DCAF6: variants seen among roughly 807,000 people sequenced by gnomAD.
DCAF6 encodes DDB1 and CUL4 associated factor 6.
Under a neutral mutation model 125.1 loss-of-function variants are expected in DCAF6, and 54 were observed. The ratio of observed to expected loss-of-function variants is 0.43; its 90% confidence interval spans 0.35 to 0.54. The LOEUF (loss-of-function observed/expected upper bound fraction) is 0.54, where lower values mean the gene tolerates loss of function less well. Ranked by LOEUF, DCAF6 falls within the 20% of genes least tolerant of loss-of-function variation. The pLI, the probability that DCAF6 is intolerant of heterozygous loss-of-function variation, is 0.01. For synonymous variants in DCAF6, 371 were observed against 390.4 expected (o/e 0.95, Z 0.58); for missense variants, 934 against 1,161.7 (o/e 0.80, Z 2.85).
upstream of DCAF6, among the ~76,000 whole-genome samples, chr1:167,935,398 G>A (rs145913651): frequency 6.6e-6 from 1 of 152,322 alleles, no homozygotes; most frequent in African/African-American, 2.4e-5. Context: ...AAGAGAAAGA[G>A]AATGAGTGTT....
chr1:167,967,833 C>T (rs758357751), intron 3 of DCAF6, among the ~76,000 whole-genome samples: 20 of 149,294 alleles, frequency 1.3e-4, no homozygotes, highest in African/African-American at 2.2e-4. Context: ...TGCGTTCAAG[C>T]GATTCTCCTG....
At chr1:167,943,388 G>C (rs1340150442) in intron 1 of DCAF6, among the ~76,000 whole-genome samples, 1 of 152,106 alleles carries the variant, frequency 6.6e-6, no homozygotes, top group African/African-American at 2.4e-5. Flanking sequence ...CTTCTCATCT[G>C]TGGTTCTGGT....
intron 1 of DCAF6, among the ~76,000 whole-genome samples, chr1:167,945,495 CT>C (rs956283762): frequency 2.0e-5 from 3 of 151,654 alleles, no homozygotes; most frequent in African/African-American, 7.3e-5. Context: ...TTTCTTTTTT[CT>C]TTTTTTCTTT....
Position 167,966,640 on chromosome 1 carries a change from C to G in DCAF6, c.171C>G (p.Ile57Met). The stretch of plus-strand genomic sequence containing the variant: ...TGCTTTCTCTTTAGGTTAATACAAT[C>G]TGTTGGAATGACACTGGAGAATATA... ...LNVHDGCVNT[I>M]CWNDTGEYIL... Residue 57 changes from isoleucine (I) to methionine (M), a missense_variant, in exon 3 of 22, where the codon ATC becomes ATG. By Grantham distance (10) the Ile-to-Met change is conservative (BLOSUM62 1). Coordinates refer to ENST00000367840, the MANE Select transcript of DCAF6 (RefSeq NM_001198956.2). The G allele has an allele frequency of 1.9e-6, 3 of 1,592,378 alleles. No individual in the cohort carries two copies. The highest frequency in any genetic ancestry group is 2.6e-6 in the Non-Finnish European group (3 of 1,162,630).
intron 10 of DCAF6, among the ~76,000 whole-genome samples, chr1:168,013,986 G>T (rs1202907340): frequency 6.6e-6 from 1 of 151,988 alleles, no homozygotes; most frequent in Non-Finnish European, 1.5e-5. Context: ...TGATACTCTC[G>T]CCTTGGTCTC....
chr1:168,063,325 T>C (rs1691848512), intron 17 of DCAF6, among the ~76,000 whole-genome samples: 1 of 152,200 alleles, frequency 6.6e-6, no homozygotes, highest in Non-Finnish European at 1.5e-5. Context: ...ATTTTGTCTG[T>C]ATTATGTTTT....
intron 18 of DCAF6, 111 bp from the exon 19 acceptor site, chr1:168,065,479 G>A (rs1692205466): frequency 1.1e-6 from 1 of 906,634 alleles, no homozygotes; most frequent in South Asian, 1.9e-5. Flanking sequence ...TTCTAAGCCA[G>A]TTTTTTAAAA....
chr1:167,999,348 G>T lies in DCAF6; in HGVS notation c.904-3134G>T, dbSNP rs1463591768. Among the ~76,000 whole-genome samples, 3 of 152,114 alleles carry T rather than the reference G, an allele frequency of 2.0e-5. No individual in the cohort carries two copies. The South Asian group carries it at 6.2e-4, about 31-fold the overall frequency. ...TAAGGGCCTTAGGATTTTCAGAATG[G>T]TAAATGAGCATTGGCTTCTGCTTAA... On this transcript the variant is annotated intron_variant, in intron 7 of 21. Transcript: ENST00000367840.
chr1:167,981,813 A>G (rs1387453142), intron 4 of DCAF6, among the ~76,000 whole-genome samples: 1 of 152,130 alleles, frequency 6.6e-6, no homozygotes, highest in Non-Finnish European at 1.5e-5. Context: ...TGTCTTTGTT[A>G]TTGTGAATAG....
chr1:168,041,430 G>A lies in DCAF6; in HGVS notation c.1728-1595G>A, dbSNP rs142023876. On this transcript the variant is annotated intron_variant, in intron 13 of 21. Coordinates refer to ENST00000367840, the MANE Select transcript of DCAF6 (RefSeq NM_001198956.2). ...TGCCTTATGGTTTCTGCCTGTGATA[G>A]CATGCATAGGAAAGCCTTGTTATTC... 1.6e-3 allele frequency among the ~76,000 whole-genome samples: 241 copies of A among 152,060 alleles called. 5 individuals are homozygous for A. The East Asian group carries it at 0.04, about 25-fold the overall frequency.
At chr1:167,977,438 T>C (rs893475747) in intron 4 of DCAF6, among the ~76,000 whole-genome samples, 2 of 152,162 alleles carry the variant, frequency 1.3e-5, no homozygotes, top group African/African-American at 4.8e-5. Flanking sequence ...TTGTTGAAGT[T>C]GCAAAGTCAG....
chr1:168,072,652 G>A (rs1693262122), intron 21 of DCAF6, among the ~76,000 whole-genome samples: 1 of 152,068 alleles, frequency 6.6e-6, no homozygotes. Flanking sequence ...GAGTATTCTG[G>A]TAAATAAGTA....
Position 167,937,067 on chromosome 1 carries a change from C to T in DCAF6, c.97+59C>T, listed in dbSNP as rs184103919. 6,739 of 1,437,062 alleles carry T rather than the reference C, an allele frequency of 4.7e-3. 17 individuals carry two copies. Among genetic ancestry groups the T allele is most frequent in the Non-Finnish European group, 5.9e-3 (6,134 of 1,038,384 alleles). 89.0% of individuals were successfully genotyped at this position (1,437,062 alleles called of 1,614,324 possible). A position where few individuals can be genotyped will look rare whatever the true frequency, so the allele number is the denominator to read the frequency against. On this transcript the variant is annotated intron_variant, in intron 1 of 21. Transcript: ENST00000367840. ...TCGCCGCCTAGAGTGGGGGAGGGGG[C>T]ACGCTGCCGGGTCTGTTGGAGGTGG...
the DCAF6 span, among the ~76,000 whole-genome samples, chr1:167,921,304 C>T: frequency 6.6e-6 from 1 of 151,954 alleles, no homozygotes; most frequent in Non-Finnish European, 1.5e-5. Flanking sequence ...CTCACTGCAA[C>T]CTCCACCTCC....
the DCAF6 span, among the ~76,000 whole-genome samples, chr1:167,919,137 C>G: frequency 6.6e-6 from 1 of 152,166 alleles, no homozygotes; most frequent in Non-Finnish European, 1.5e-5. Flanking sequence ...AAATATACTT[C>G]TAACCACTAA....
intron 2 of DCAF6, among the ~76,000 whole-genome samples, chr1:167,961,410 T>G (rs1675576143): frequency 6.6e-6 from 1 of 151,972 alleles, no homozygotes; most frequent in Non-Finnish European, 1.5e-5. Context: ...ACCCGGCTAA[T>G]TTTTTGTATT....
chr1:167,991,108 A>C, intron 5 of DCAF6, 96 bp from the exon 6 acceptor site: 1 of 1,053,920 alleles, frequency 9.5e-7, no homozygotes, highest in South Asian at 2.2e-5. Context: ...GAGTTCTGAG[A>C]ATGGTTATTC....
At chr1:168,046,106 G>GATGA (rs761093625) in intron 16 of DCAF6, among the ~76,000 whole-genome samples, 17 of 152,214 alleles carry the variant, frequency 1.1e-4, no homozygotes, top group Non-Finnish European at 1.9e-4. Flanking sequence ...TCAAGAGCAT[G>GATGA]ATGATGGGTT....
chr1:167,986,665 T>C (rs551437630), intron 4 of DCAF6, among the ~76,000 whole-genome samples: 2 of 152,260 alleles, frequency 1.3e-5, no homozygotes, highest in East Asian at 3.9e-4. Context: ...GTGTCTATGC[T>C]CCTGTGAGAA....
Sources: gnomAD v4.1 joint callset for allele counts (sites outside exome capture counted in the v4.1 genomes callset) on GRCh38, gnomAD v4.1.1 for gene constraint, MANE v1.5 for transcripts, NCBI Gene and HGNC (gene_info 2026-07-23, HGNC 2026-07-21) for gene names.